Variants in RALGDS observed in about 807,000 individuals in gnomAD.
RALGDS encodes ral guanine nucleotide dissociation stimulator.
RALGDS carries 44 observed loss-of-function variants against 99.8 expected under a neutral mutation model. The observed-to-expected ratio is 0.44, with a 90% CI of 0.35 to 0.57. The LOEUF (loss-of-function observed/expected upper bound fraction) is 0.57, where lower values mean the gene tolerates loss of function less well. Among genes scored for constraint, RALGDS ranks in the 20% least tolerant of loss-of-function variants. The pLI is 0.01. For missense variants in RALGDS, 1,022 were observed against 1,203.1 expected (o/e 0.85, Z 2.23); for synonymous variants, 529 against 505.0 (o/e 1.05, Z -0.64).
chr9:133,149,040 C>T, exon 1 of RALGDS: 4 of 1,461,248 alleles, frequency 2.7e-6, no homozygotes, highest in Non-Finnish European at 3.6e-6. Context: ...GCAGAGGCCG[C>T]TCGCCTGGGC....
chr9:133,115,418 C>T (rs887984465), intron 1 of RALGDS, among the ~76,000 whole-genome samples: 10 of 152,320 alleles, frequency 6.6e-5, no homozygotes, highest in Admixed American at 1.3e-4. Flanking sequence ...CCTCCGTGTG[C>T]GTGAGATTGT....
At chr9:133,145,017 G>A (rs1564256778) in intron 1 of RALGDS, among the ~76,000 whole-genome samples, 1 of 152,226 alleles carries the variant, frequency 6.6e-6, no homozygotes, top group Non-Finnish European at 1.5e-5. Context: ...ACAAAACCAG[G>A]AACGAATGCC....
intron 1 of RALGDS, among the ~76,000 whole-genome samples, chr9:133,116,852 C>T (rs769232417): frequency 2.0e-5 from 3 of 152,244 alleles, no homozygotes; most frequent in Non-Finnish European, 4.4e-5. Context: ...CCACCCAGGC[C>T]TGGCGCTGCC....
chr9:133,116,506 A>AG (rs1831615992), intron 1 of RALGDS, among the ~76,000 whole-genome samples: 2 of 152,268 alleles, frequency 1.3e-5, no homozygotes, highest in African/African-American at 4.8e-5. Context: ...CCTCCAGGTC[A>AG]GCCGCAAGCC....
chr9:133,124,792 C>T (rs1832094706), upstream of RALGDS, among the ~76,000 whole-genome samples: 1 of 152,252 alleles, frequency 6.6e-6, no homozygotes, highest in Non-Finnish European at 1.5e-5. Flanking sequence ...GCTGTGGGGA[C>T]ACCCTAACCA....
intron 1 of RALGDS, among the ~76,000 whole-genome samples, chr9:133,140,142 G>A (rs1206160069): frequency 6.6e-6 from 1 of 151,986 alleles, no homozygotes; most frequent in Admixed American, 6.6e-5. Flanking sequence ...GGGTGGGAGC[G>A]GGAATCCCTT....
At chr9:133,104,226 C>T in intron 10 of RALGDS, 37 bp downstream of exon 10, 7 of 1,585,238 alleles carry the variant, frequency 4.4e-6, no homozygotes, top group East Asian at 2.2e-5. Context: ...ACCCCCAGGC[C>T]AGCCCCCTGC....
At chr9:133,120,250 G>A (rs1025436837) in intron 1 of RALGDS, among the ~76,000 whole-genome samples, 1 of 152,040 alleles carries the variant, frequency 6.6e-6, no homozygotes, top group African/African-American at 2.4e-5. Context: ...ATCCATCACA[G>A]GTACACCACT....
chr9:133,123,993 C>T (rs955202989), upstream of RALGDS, among the ~76,000 whole-genome samples: 1 of 150,776 alleles, frequency 6.6e-6, no homozygotes, highest in Admixed American at 6.6e-5. Context: ...CACAGACACA[C>T]ACACACACAC....
Position 133,098,819 on chromosome 9 carries a change from C to T in RALGDS, c.2570-57G>A. On this transcript the variant is annotated intron_variant, in intron 17 of 17. Transcript: ENST00000372050. ...ATGCTCCTGGGGGCCCTGCAGGATACCCCTACCGCTTGAGAGCCCATACAA... is the reference window on the plus strand; with the variant it reads ...ATGCTCCTGGGGGCCCTGCAGGATATCCCTACCGCTTGAGAGCCCATACAA... The T allele has an allele frequency of 2.6e-6, 4 of 1,558,568 alleles. No homozygotes were observed. In the African/African-American group the frequency reaches 4.1e-5, roughly 16 times the overall value.
In RALGDS at chr9:133,098,479, T is replaced by C; in HGVS notation, c.*108A>G. Reference sequence around the variant, plus strand: ...GGAGAGGTTCAGGATGAAACTGGAGTCTGGGGTACCCTGGGCTGGCAGGTG... The same window carrying C: ...GGAGAGGTTCAGGATGAAACTGGAGCCTGGGGTACCCTGGGCTGGCAGGTG... On this transcript the variant is annotated 3_prime_UTR_variant, in exon 18 of 18. Coordinates refer to ENST00000372050, the MANE Select transcript of RALGDS (RefSeq NM_006266.4). 3.4e-6 allele frequency: 4 copies of C among 1,183,328 alleles called. No homozygotes were observed. The South Asian group carries it at 5.2e-5, about 15-fold the overall frequency. The allele number at this position is 1,183,328 out of a possible 1,614,324, so 73.3% of individuals were successfully genotyped here. A position where few individuals can be genotyped will look rare whatever the true frequency, so the allele number is the denominator to read the frequency against.
chr9:133,128,447 C>T (rs1265398137), intron 1 of RALGDS, among the ~76,000 whole-genome samples: 1 of 152,118 alleles, frequency 6.6e-6, no homozygotes, highest in Non-Finnish European at 1.5e-5. Flanking sequence ...GTCTATCCCA[C>T]AGCTGTGATA....
At chr9:133,129,919 A>T (rs1247464302) in intron 1 of RALGDS, among the ~76,000 whole-genome samples, 1 of 146,674 alleles carries the variant, frequency 6.8e-6, no homozygotes, top group African/African-American at 2.6e-5. Context: ...GGTTCAAGTG[A>T]TTCTCCTGCC....
chr9:133,100,149 CCA>C (rs1830685456), intron 17 of RALGDS, 117 bp downstream of exon 17: 1 of 943,652 alleles, frequency 1.1e-6, no homozygotes, highest in Non-Finnish European at 1.7e-6. Context: ...GCTGCCCTGT[CCA>C]CAGTGTCTAC....
At chr9:133,107,321 C>T (rs935918579) in intron 6 of RALGDS, 21 bp from the exon 7 acceptor site, 3 of 1,594,482 alleles carry the variant, frequency 1.9e-6, no homozygotes, top group South Asian at 1.1e-5. Flanking sequence ...GGCTAAATGT[C>T]ACCTGGTCCT....
At chr9:133,142,210 T>C (rs947864518) in intron 1 of RALGDS, among the ~76,000 whole-genome samples, 7 of 152,102 alleles carry the variant, frequency 4.6e-5, no homozygotes, top group Admixed American at 6.5e-5. Flanking sequence ...CAGAGTCTAC[T>C]GGGTCCTGTG....
intron 9 of RALGDS, 49 bp downstream of exon 9, chr9:133,105,883 C>CAG (rs1831023502): frequency 3.3e-5 from 2 of 61,046 alleles, no homozygotes; most frequent in African/African-American, 1.4e-4. Flanking sequence ...GCCCCAGCCC[C>CAG]CGCCCCAGCC....
At chr9:133,124,976 A>G (rs1832101588), upstream of RALGDS, among the ~76,000 whole-genome samples, 1 of 152,272 alleles carries the variant, frequency 6.6e-6, no homozygotes, top group African/African-American at 2.4e-5. Context: ...GGTGCAATCC[A>G]CAAATCCAGG....
intron 1 of RALGDS, among the ~76,000 whole-genome samples, chr9:133,119,539 C>T (rs1831801493): frequency 6.6e-6 from 1 of 152,140 alleles, no homozygotes; most frequent in Admixed American, 6.5e-5. Context: ...GCCTCTCCCT[C>T]AGTTCCTCAG....
Sources: allele counts gnomAD v4.1 joint callset (sites outside exome capture counted in the v4.1 genomes callset), GRCh38; gene constraint gnomAD v4.1.1; transcripts MANE v1.5; gene names NCBI Gene and HGNC (gene_info 2026-07-23, HGNC 2026-07-21).